CBFB: variants seen among roughly 807,000 people sequenced by gnomAD.
The protein encoded by CBFB is core-binding factor subunit beta.
A neutral mutation model predicts 30.4 loss-of-function variants in CBFB; 9 were observed. The observed-to-expected ratio is 0.30, with a 90% CI of 0.18 to 0.52. The LOEUF is 0.52. Ranked by LOEUF, CBFB falls within the 20% of genes least tolerant of loss-of-function variation. The pLI is 0.97. For missense variants in CBFB, 170 were observed against 244.0 expected, an observed-to-expected ratio of 0.70 and a Z score of 2.02; for synonymous variants, 94 against 84.0, an observed-to-expected ratio of 1.12 and a Z score of -0.65.
chr16:67,054,251 T>C (rs767734040), intron 3 of CBFB, among the ~76,000 whole-genome samples: 2 of 152,142 alleles, frequency 1.3e-5, no homozygotes, highest in Non-Finnish European at 2.9e-5. Context: ...CGATACTTTA[T>C]TGTAAGTTTG....
At chr16:67,032,823 C>G (rs1394366548) in intron 2 of CBFB, among the ~76,000 whole-genome samples, 1 of 152,164 alleles carries the variant, frequency 6.6e-6, no homozygotes, top group Non-Finnish European at 1.5e-5. Flanking sequence ...AAAACTATTC[C>G]CAACCTTTCT....
chr16:67,081,573 G>A (rs1961555391), intron 4 of CBFB, among the ~76,000 whole-genome samples: 1 of 152,018 alleles, frequency 6.6e-6, no homozygotes, highest in Admixed American at 6.6e-5. Flanking sequence ...AGGCCAAGAC[G>A]GGAGGATCTC....
rs915268513 is a variant in CBFB at position 67,100,249 on chromosome 16, T to C, written c.*1471T>C. 3.2e-5 allele frequency: 7 copies of C among 219,288 alleles called. No individual in the cohort carries two copies. The highest frequency in any genetic ancestry group is 1.3e-4 in the African/African-American group (6 of 44,616). The allele number at this position is 219,288 out of a possible 1,614,324, so 13.6% of individuals were successfully genotyped here. A position where few individuals can be genotyped will look rare whatever the true frequency, so the allele number is the denominator to read the frequency against. On this transcript the variant is annotated 3_prime_UTR_variant, in exon 6 of 6. Coordinates refer to ENST00000412916, the MANE Select transcript of CBFB (RefSeq NM_022845.3). ...GACACAGTCAATTCAGAAAATGGAC[T>C]GAAGTCTGAATAAGGTCATTGCATT...
intron 3 of CBFB, among the ~76,000 whole-genome samples, chr16:67,048,840 G>A (rs537610960): frequency 1.8e-5 from 2 of 111,846 alleles, no homozygotes; most frequent in East Asian, 5.3e-4. Context: ...TTTTTTTTGA[G>A]ATGGAGTTTC....
chr16:67,072,553 G>A (rs1027413316), intron 4 of CBFB, among the ~76,000 whole-genome samples: 2 of 150,688 alleles, frequency 1.3e-5, no homozygotes, highest in Non-Finnish European at 3.0e-5. Context: ...CTCAACCTCC[G>A]CCTCCTGGGT....
chr16:67,048,716 AATTTTTTTGT>A (rs1221746621), intron 3 of CBFB, among the ~76,000 whole-genome samples: 1 of 150,972 alleles, frequency 6.6e-6, no homozygotes, highest in African/African-American at 2.4e-5. Context: ...ACGCCTGGCT[AATTTTTTTGT>A]ATTTTTTTAG....
rs2145771346 is a variant in CBFB at position 67,082,203 on chromosome 16, A to C, written c.400-10A>C. On this transcript the variant is annotated splice_polypyrimidine_tract_variant and intron_variant, in intron 4 of 5. Coordinates refer to ENST00000412916, the MANE Select transcript of CBFB (RefSeq NM_022845.3). Reference sequence around the variant, plus strand: ...CAAAATTAAAATAGGTATTTCATGTATTCTGACAGCAGGAGGATGCATTAG... The same window carrying C: ...CAAAATTAAAATAGGTATTTCATGTCTTCTGACAGCAGGAGGATGCATTAG... The C allele has an allele frequency of 1.3e-6, 2 of 1,554,224 alleles. No homozygotes were observed. Among genetic ancestry groups the C allele is most frequent in the South Asian group, 2.4e-5 (2 of 82,798 alleles).
At chr16:67,075,749 A>G (rs1481861763) in intron 4 of CBFB, among the ~76,000 whole-genome samples, 1 of 152,232 alleles carries the variant, frequency 6.6e-6, no homozygotes, top group African/African-American at 2.4e-5. Context: ...GTGCGTGGTC[A>G]CACAAATACA....
chr16:67,088,013 T>C (rs1961776732), intron 5 of CBFB, among the ~76,000 whole-genome samples: 1 of 152,212 alleles, frequency 6.6e-6, no homozygotes, highest in Admixed American at 6.5e-5. Context: ...CAAGGCACTT[T>C]CCCTACATTA....
intron 5 of CBFB, among the ~76,000 whole-genome samples, chr16:67,083,521 C>G (rs1433466673): frequency 2.6e-5 from 4 of 152,090 alleles, no homozygotes; most frequent in Admixed American, 1.3e-4. Flanking sequence ...GTCTCGGACT[C>G]CTGACCTCAT....
At chr16:67,059,997 CAG>C (rs1010479455) in intron 3 of CBFB, among the ~76,000 whole-genome samples, 5 of 148,346 alleles carry the variant, frequency 3.4e-5, no homozygotes, top group African/African-American at 5.0e-5. Context: ...TTTGTTGAGA[CAG>C]AGTTTCGCTC....
intron 3 of CBFB, among the ~76,000 whole-genome samples, chr16:67,050,566 A>AG (rs1033682208): frequency 5.9e-5 from 9 of 152,150 alleles, no homozygotes; most frequent in African/African-American, 2.2e-4. Context: ...AGACCAAGGC[A>AG]GGAGGATTGC....
intron 3 of CBFB, among the ~76,000 whole-genome samples, chr16:67,050,273 TATATA>T (rs1287987531): frequency 5.4e-5 from 8 of 147,770 alleles, no homozygotes; most frequent in East Asian, 1.9e-4. Flanking sequence ...AATATATAAA[TATATA>T]ATATATAAAT....
chr16:67,093,205 C>T (rs566317950), intron 5 of CBFB, among the ~76,000 whole-genome samples: 3 of 152,248 alleles, frequency 2.0e-5, no homozygotes, highest in East Asian at 1.9e-4. Context: ...CTCAGCCTCC[C>T]GAAGTGCTGT....
At chr16:67,040,728 C>T (rs760793502) in intron 3 of CBFB, among the ~76,000 whole-genome samples, 8 of 152,176 alleles carry the variant, frequency 5.3e-5, no homozygotes, top group South Asian at 2.1e-4. Context: ...GTGACAGTAC[C>T]TTTGGGAAAA....
intron 4 of CBFB, among the ~76,000 whole-genome samples, chr16:67,068,396 G>A (rs1265915239): frequency 6.6e-6 from 1 of 152,026 alleles, no homozygotes; most frequent in Non-Finnish European, 1.5e-5. Context: ...TGGAAGGATC[G>A]CTTGAGTCCA....
intron 3 of CBFB, among the ~76,000 whole-genome samples, chr16:67,037,721 G>T (rs1201719059): frequency 6.8e-6 from 1 of 147,198 alleles, no homozygotes; most frequent in Admixed American, 6.9e-5. Flanking sequence ...AGGCTGGAGT[G>T]CAGTGGTGTG....
intron 3 of CBFB, among the ~76,000 whole-genome samples, chr16:67,043,085 G>C (rs1035445865): frequency 1.3e-5 from 2 of 152,090 alleles, no homozygotes; most frequent in African/African-American, 2.4e-5. Flanking sequence ...TACCTTTTAT[G>C]ATCTATTATT....
intron 3 of CBFB, among the ~76,000 whole-genome samples, chr16:67,062,638 A>C (rs1960943927): frequency 6.6e-6 from 1 of 151,674 alleles, no homozygotes; most frequent in Admixed American, 6.6e-5. Context: ...CTAAAAATAG[A>C]AAAGTTAGCA....
Sources: allele counts gnomAD v4.1 joint callset (sites outside exome capture counted in the v4.1 genomes callset), GRCh38; gene constraint gnomAD v4.1.1; transcripts MANE v1.5; gene names NCBI Gene and HGNC (gene_info 2026-07-23, HGNC 2026-07-21).